ZNF462: variants seen among roughly 807,000 people sequenced by gnomAD.
ZNF462 encodes zinc finger protein 462, also known as zinc finger PBX1-interacting protein.
ZNF462 carries 10 observed loss-of-function variants against 201.9 expected under a neutral mutation model. That is an observed-to-expected ratio of 0.05 (90% confidence interval 0.03 to 0.08). The LOEUF (loss-of-function observed/expected upper bound fraction) is 0.08. ZNF462 is among the 10% of genes least tolerant of loss of function. The pLI is 1.00. For synonymous variants in ZNF462, 1,227 were observed against 1,193.3 expected, an observed-to-expected ratio of 1.03 and a Z score of -0.58; for missense variants, 2,523 against 3,168.3, an observed-to-expected ratio of 0.80 and a Z score of 4.89.
At position 106,966,973 on chromosome 9, in the gene ZNF462, C is replaced by G. The variant is rs1369618378; in HGVS notation, c.6428-5032C>G. 6.6e-6 allele frequency among the ~76,000 whole-genome samples: 1 copy of G among 152,076 alleles called. No homozygotes were observed. The highest frequency in any genetic ancestry group is 1.5e-5 in the Non-Finnish European group (1 of 67,992). Reference sequence around the variant, plus strand: ...CTGCAGAAAATTGAGAATTGATCCTCTGGTATAGCTTCCTCTTTGTATCAC... The same window carrying G: ...CTGCAGAAAATTGAGAATTGATCCTGTGGTATAGCTTCCTCTTTGTATCAC... On this transcript the variant is annotated intron_variant, in intron 7 of 12. Coordinates refer to ENST00000277225, the MANE Select transcript of ZNF462 (RefSeq NM_021224.6). This position sits in a 1 kb window ranked among gnomAD's most constrained non-coding sequence, Gnocchi z 4.4.
In ZNF462 at chr9:107,010,774, G is replaced by T. The variant is rs1829888561; in HGVS notation, c.7314-49G>T. ...TTTATTATTTTTTTGTTTAAAAAGA[G>T]AAATATATATACTATACTCATCTGT... On this transcript the variant is annotated intron_variant, in intron 12 of 12. Coordinates refer to ENST00000277225, the MANE Select transcript of ZNF462 (RefSeq NM_021224.6). The surrounding 1 kb of genome is among the most constrained non-coding windows in gnomAD (Gnocchi z 4.6). 6.8e-7 allele frequency: 1 copy of T among 1,477,952 alleles called. No individual in the cohort carries two copies. The highest frequency in any genetic ancestry group is 1.4e-5 in the African/African-American group (1 of 69,516). 91.6% of individuals were successfully genotyped at this position (1,477,952 alleles called of 1,614,324 possible).
chr9:107,002,223 G>A (rs189583087), intron 10 of ZNF462, among the ~76,000 whole-genome samples: 174 of 152,140 alleles, frequency 1.1e-3, no homozygotes, highest in Non-Finnish European at 2.0e-3. Flanking sequence ...TAGGGAAGTC[G>A]GCCTCGGAAT....
chr9:106,971,375 A>ACAACAAC (rs551863172), intron 7 of ZNF462, among the ~76,000 whole-genome samples: 18,636 of 151,218 alleles, frequency 0.12, 1,213 homozygotes, highest in African/African-American at 0.14. Context: ...TTAAAAAAAA[A>ACAACAAC]AACAACAACA....
rs1315046990 is a variant in ZNF462 at position 106,984,945 on chromosome 9, A to G, written c.7056+536A>G. Reference sequence around the variant, plus strand: ...GGCAACATGGCGAAACCCCATCTCTACAAAAAATACAAAAGATTAGCCAGG... The same window carrying G: ...GGCAACATGGCGAAACCCCATCTCTGCAAAAAATACAAAAGATTAGCCAGG... On this transcript the variant is annotated intron_variant, in intron 10 of 12. Transcript: ENST00000277225. The surrounding 1 kb of genome is among the most constrained non-coding windows in gnomAD (Gnocchi z 6.4). Among the ~76,000 whole-genome samples the G allele has an allele frequency of 6.6e-6, 1 of 152,130 alleles. No homozygotes were observed. The highest frequency in any genetic ancestry group is 2.4e-5 in the African/African-American group (1 of 41,442).
upstream of ZNF462, among the ~76,000 whole-genome samples, chr9:106,861,749 A>AG (rs1305218245): frequency 2.6e-5 from 4 of 152,058 alleles, no homozygotes; most frequent in African/African-American, 4.8e-5. Context: ...CTGGTGGTGG[A>AG]GGGGGGGAAC....
At chr9:106,969,488 G>A (rs1481564121) in intron 7 of ZNF462, among the ~76,000 whole-genome samples, 1 of 152,190 alleles carries the variant, frequency 6.6e-6, no homozygotes, top group Non-Finnish European at 1.5e-5. Context: ...CCTTGGAGGG[G>A]GTCTGCCTGA....
chr9:106,924,229 A>AGAG lies in ZNF462; in HGVS notation c.318_319insAGG (p.Lys106_Phe107insArg). 6.2e-7 allele frequency: 1 copy of AGAG among 1,614,156 alleles called. No individual in the cohort carries two copies. Among genetic ancestry groups the AGAG allele is most frequent in the Non-Finnish European group, 8.5e-7 (1 of 1,180,020 alleles). ...GCCGCTAATCCCAAACCAACAAACA[A>AGAG]GTTTTTTCAATGCAAGTTCTGTGTA... On this transcript the variant is annotated inframe_insertion, in exon 3 of 13. Coordinates refer to ENST00000277225, the MANE Select transcript of ZNF462 (RefSeq NM_021224.6). The surrounding 1 kb of genome is among the most constrained non-coding windows in gnomAD (Gnocchi z 6.2).
chr9:106,912,252 C>T (rs1308063239), intron 1 of ZNF462, among the ~76,000 whole-genome samples: 3 of 152,142 alleles, frequency 2.0e-5, no homozygotes, highest in Non-Finnish European at 4.4e-5. Context: ...GTTCCGACTC[C>T]ATGAGGTTGG....
intron 1 of ZNF462, among the ~76,000 whole-genome samples, chr9:106,864,839 G>C (rs1827262332): frequency 6.6e-6 from 1 of 152,166 alleles, no homozygotes; most frequent in African/African-American, 2.4e-5. Context: ...GTTGCTTGCA[G>C]GTTTTTGGAG....
In ZNF462 at chr9:106,905,319, G is replaced by A. The variant is rs1829223976; in HGVS notation, c.-30-18035G>A. On this transcript the variant is annotated intron_variant, in intron 1 of 12. Coordinates refer to ENST00000277225, the MANE Select transcript of ZNF462 (RefSeq NM_021224.6). The surrounding 1 kb of genome is among the most constrained non-coding windows in gnomAD (Gnocchi z 5.9). ...CATGGATACCAGCACCTGTTCTGGT[G>A]GAGGTGGCAGAGTGTGCAATGGACT... Among the ~76,000 whole-genome samples the A allele has an allele frequency of 1.3e-5, 2 of 152,320 alleles. No individual in the cohort carries two copies. Among genetic ancestry groups the A allele is most frequent in the Admixed American group, 6.5e-5 (1 of 15,304 alleles).
chr9:106,923,573 G>A lies in ZNF462; in HGVS notation c.190G>A (p.Asp64Asn), dbSNP rs755352921. ...AGAGGTGGAGTTTTCTTCTATAAAG[G>A]ATGAATTTGCCATTGCAGAAGATTT... ...QTEVEFSSIKDEFAIAEDLSG... is the reference protein window; with the variant it reads ...QTEVEFSSIKNEFAIAEDLSG... Residue 64 changes from aspartate to asparagine, a missense_variant, in exon 2 of 13, where the codon GAT (aspartate) becomes AAT (asparagine). By Grantham distance (23) the Asp-to-Asn change is conservative. This residue lies in a region of ZNF462 where 480 missense variants were observed against 544.4 expected (regional missense o/e 0.88). Coordinates refer to ENST00000277225, the MANE Select transcript of ZNF462 (RefSeq NM_021224.6). This position sits in a 1 kb window ranked among gnomAD's most constrained non-coding sequence, Gnocchi z 5.6. 6.2e-7 allele frequency: 1 copy of A among 1,614,214 alleles called. No individual in the cohort carries two copies. Among genetic ancestry groups the A allele is most frequent in the East Asian group, 2.2e-5 (1 of 44,890 alleles).
At chr9:106,943,067 T>C (rs1484482898) in intron 7 of ZNF462, among the ~76,000 whole-genome samples, 2 of 149,688 alleles carry the variant, frequency 1.3e-5, no homozygotes, top group Non-Finnish European at 3.0e-5. Flanking sequence ...CGCGTGTGTG[T>C]GTGTGTGTGT....
intron 7 of ZNF462, among the ~76,000 whole-genome samples, chr9:106,948,963 C>T (rs1831226541): frequency 6.6e-6 from 1 of 152,104 alleles, no homozygotes; most frequent in South Asian, 2.1e-4. Context: ...AAGGCTCACT[C>T]ACCTCCTCAA....
In ZNF462 at chr9:106,924,956, G is replaced by A. The variant is rs763273088; in HGVS notation, c.1044G>A (p.Pro348=). 4.1e-5 allele frequency: 66 copies of A among 1,614,008 alleles called. No homozygotes were observed. Among genetic ancestry groups the A allele is most frequent in the Admixed American group, 1.3e-4 (8 of 59,996 alleles). Residue 348 remains proline (P), a synonymous_variant, in exon 3 of 13, where the codon CCG becomes CCA. Coordinates refer to ENST00000277225, the MANE Select transcript of ZNF462 (RefSeq NM_021224.6). The surrounding 1 kb of genome is among the most constrained non-coding windows in gnomAD (Gnocchi z 6.2). ...FSPMSYPQMK[P]KSPHNSGLVN... is the part of the protein sequence containing the mutation. ...CCATGTCTTACCCTCAGATGAAGCCGAAGTCACCTCACAATTCTGGTCTAG... is the reference window on the plus strand; with the variant it reads ...CCATGTCTTACCCTCAGATGAAGCCAAAGTCACCTCACAATTCTGGTCTAG...
At chr9:106,879,554 C>T (rs1333467764) in intron 1 of ZNF462, among the ~76,000 whole-genome samples, 2 of 152,028 alleles carry the variant, frequency 1.3e-5, no homozygotes, top group East Asian at 1.9e-4. Flanking sequence ...GAAAGGGCTT[C>T]ATTAGGCAGG....
Position 106,972,732 on chromosome 9 carries a change from T to C in ZNF462, c.6695+460T>C, listed in dbSNP as rs1307430924. Among the ~76,000 whole-genome samples, 1 of 152,140 alleles carries C rather than the reference T, an allele frequency of 6.6e-6. No homozygotes were observed. The highest frequency in any genetic ancestry group is 1.9e-4 in the East Asian group (1 of 5,192). On this transcript the variant is annotated intron_variant, in intron 8 of 12. Transcript: ENST00000277225. This position sits in a 1 kb window ranked among gnomAD's most constrained non-coding sequence, Gnocchi z 4.8. The stretch of plus-strand genomic sequence containing the variant: ...TAAGATCGTAGTATTGAAAGACACA[T>C]AGAGAATCAAGACCCTGGCACTTCC...
At chr9:106,869,671 A>G (rs1396679995) in intron 1 of ZNF462, among the ~76,000 whole-genome samples, 1 of 152,208 alleles carries the variant, frequency 6.6e-6, no homozygotes, top group East Asian at 1.9e-4. Context: ...AAATGAGTTG[A>G]CTGTCGAAAA....
In ZNF462 at chr9:107,005,397, T is replaced by C. The variant is rs182969354; in HGVS notation, c.7189+1971T>C. On this transcript the variant is annotated intron_variant, in intron 11 of 12. Coordinates refer to ENST00000277225, the MANE Select transcript of ZNF462 (RefSeq NM_021224.6). The surrounding 1 kb of genome is among the most constrained non-coding windows in gnomAD (Gnocchi z 4.4). Reference sequence around the variant, plus strand: ...ATGTTATCTTCACTCTTTTTGATAATAGCCTCGTAACAGGTGTGAAGTGAT... The same window carrying C: ...ATGTTATCTTCACTCTTTTTGATAACAGCCTCGTAACAGGTGTGAAGTGAT... Among the ~76,000 whole-genome samples, 18 of 152,328 alleles carry C rather than the reference T, an allele frequency of 1.2e-4. No individual in the cohort carries two copies. In the East Asian group the frequency reaches 3.3e-3, roughly 28 times the overall value.
intron 1 of ZNF462, among the ~76,000 whole-genome samples, chr9:106,894,231 G>A (rs760006662): frequency 8.5e-5 from 13 of 152,208 alleles, no homozygotes; most frequent in African/African-American, 1.9e-4. Flanking sequence ...CTGCTAGGCC[G>A]AGGTTCAAAA....
Sources: gnomAD v4.1 joint callset for allele counts (sites outside exome capture counted in the v4.1 genomes callset) on GRCh38, gnomAD v4.1.1 for gene constraint, gnomAD v4.1.1 regional missense constraint, Gnocchi (gnomAD v3.1) non-coding constraint, MANE v1.5 for transcripts, NCBI Gene and HGNC (gene_info 2026-07-23, HGNC 2026-07-21) for gene names.